The following TNIK variants were observed in gnomAD, a reference collection of about 807,000 sequenced individuals.
TNIK encodes the protein TRAF2 and NCK-interacting protein kinase.
In TNIK, 49 loss-of-function variants were observed where a neutral mutation model predicts 191.3. The ratio of observed to expected loss-of-function variants is 0.26; its 90% CI spans 0.20 to 0.32. The LOEUF (loss-of-function observed/expected upper bound fraction) is 0.32. TNIK is among the 10% of genes least tolerant of loss of function. The pLI, the probability that TNIK is intolerant of heterozygous loss-of-function variation, is 1.00. For synonymous variants in TNIK, 594 were observed against 600.9 expected, an observed-to-expected ratio of 0.99 and a Z score of 0.17; for missense variants, 1,155 against 1,702.3, an observed-to-expected ratio of 0.68 and a Z score of 5.66.
chr3:171,107,864 T>A (rs1190960188), intron 20 of TNIK, among the ~76,000 whole-genome samples: 1 of 152,208 alleles, frequency 6.6e-6, no homozygotes, highest in Non-Finnish European at 1.5e-5. Context: ...GATCAGCAAA[T>A]AGCCAAAGGC....
chr3:171,271,652 C>G (rs1266794839), intron 2 of TNIK, among the ~76,000 whole-genome samples: 1 of 152,162 alleles, frequency 6.6e-6, no homozygotes, highest in Non-Finnish European at 1.5e-5. Context: ...ATATTTATGA[C>G]TGTTTTGACT....
chr3:171,371,612 G>A (rs1302480940), intron 1 of TNIK, among the ~76,000 whole-genome samples: 5 of 152,124 alleles, frequency 3.3e-5, no homozygotes, highest in African/African-American at 1.2e-4. Flanking sequence ...ACACTCTTAA[G>A]GGACTTAGAG....
At chr3:171,300,054 AG>A (rs1293592213) in intron 2 of TNIK, among the ~76,000 whole-genome samples, 1 of 152,262 alleles carries the variant, frequency 6.6e-6, no homozygotes, top group African/African-American at 2.4e-5. Flanking sequence ...ACTAAACATC[AG>A]GAATTGTGTG....
chr3:171,131,806 C>G (rs1405340484), intron 15 of TNIK, among the ~76,000 whole-genome samples: 1 of 152,164 alleles, frequency 6.6e-6, no homozygotes, highest in Non-Finnish European at 1.5e-5. Context: ...TTGGAAGTGG[C>G]ACTTCTCCTA....
At chr3:171,347,421 A>AC (rs71178206) in intron 2 of TNIK, among the ~76,000 whole-genome samples, 12 of 144,440 alleles carry the variant, frequency 8.3e-5, no homozygotes, top group African/African-American at 5.0e-5. Context: ...ACACACACAC[A>AC]AGTAAAGAGA....
intron 28 of TNIK, among the ~76,000 whole-genome samples, chr3:171,076,645 C>A (rs1438472793): frequency 6.6e-6 from 1 of 152,128 alleles, no homozygotes; most frequent in African/African-American, 2.4e-5. Context: ...ATGGATTGAA[C>A]AAGTCTTACA....
intron 1 of TNIK, among the ~76,000 whole-genome samples, chr3:171,451,548 G>C (rs1393733623): frequency 1.3e-5 from 2 of 152,194 alleles, no homozygotes; most frequent in African/African-American, 4.8e-5. Context: ...CTGCTATGCA[G>C]ATACATAAGT....
chr3:171,121,821 A>G (rs1185023930), intron 18 of TNIK, among the ~76,000 whole-genome samples: 2 of 152,192 alleles, frequency 1.3e-5, no homozygotes, highest in Admixed American at 1.3e-4. Flanking sequence ...ATGGAGATAC[A>G]TGATAGCATA....
intron 18 of TNIK, among the ~76,000 whole-genome samples, chr3:171,122,967 T>G (rs1727958418): frequency 6.6e-6 from 1 of 152,212 alleles, no homozygotes; most frequent in Non-Finnish European, 1.5e-5. Context: ...GGATGCAACT[T>G]TCTGACTGTA....
chr3:171,150,972 C>T (rs1428086101), intron 12 of TNIK, among the ~76,000 whole-genome samples: 1 of 152,220 alleles, frequency 6.6e-6, no homozygotes, highest in African/African-American at 2.4e-5. Flanking sequence ...CAGTACTATA[C>T]TTTGAAATCA....
Position 171,357,703 on chromosome 3 carries a change from G to A in TNIK, c.123+11917C>T, listed in dbSNP as rs539566142. On this transcript the variant is annotated intron_variant, in intron 2 of 32. Transcript: ENST00000436636. ...GTCAGAGTACGGAGAGAAGAGGCAGGGAAAACCATCAAACCCCATTGGGCA... is the reference window on the plus strand; with the variant it reads ...GTCAGAGTACGGAGAGAAGAGGCAGAGAAAACCATCAAACCCCATTGGGCA... Among the ~76,000 whole-genome samples, 361 of 152,162 alleles carry A rather than the reference G, an allele frequency of 2.4e-3. 2 individuals carry two copies. Among genetic ancestry groups the A allele is most frequent in the African/African-American group, 8.1e-3 (336 of 41,506 alleles).
chr3:171,208,066 T>C (rs1425116329), intron 4 of TNIK, among the ~76,000 whole-genome samples: 3 of 152,088 alleles, frequency 2.0e-5, no homozygotes, highest in African/African-American at 7.2e-5. Flanking sequence ...TGCAGTGGCT[T>C]GCACCTGTAA....
intron 1 of TNIK, among the ~76,000 whole-genome samples, chr3:171,383,923 G>A (rs1190103575): frequency 5.3e-5 from 8 of 152,082 alleles, no homozygotes; most frequent in African/African-American, 1.2e-4. Flanking sequence ...GTGGTTCCCC[G>A]GTCTACTCTG....
At chr3:171,208,318 C>T (rs1348989116) in intron 4 of TNIK, among the ~76,000 whole-genome samples, 1 of 151,288 alleles carries the variant, frequency 6.6e-6, no homozygotes, top group Non-Finnish European at 1.5e-5. Context: ...AAGACCCTGT[C>T]TCTAAAAAAA....
intron 26 of TNIK, chr3:171,082,793 G>A (rs1201221860): frequency 1.8e-5 from 3 of 163,408 alleles, no homozygotes; most frequent in South Asian, 1.8e-4. Context: ...CCTATGCAGT[G>A]GTCTCTAGCC....
chr3:171,066,046 C>T, intron 32 of TNIK, 141 bp downstream of exon 32: 1 of 1,167,884 alleles, frequency 8.6e-7, no homozygotes, highest in South Asian at 1.6e-5. Flanking sequence ...ATGGATCAAA[C>T]CAAATAATGC....
At chr3:171,335,318 T>C (rs1476586308) in intron 2 of TNIK, among the ~76,000 whole-genome samples, 1 of 152,226 alleles carries the variant, frequency 6.6e-6, no homozygotes, top group Admixed American at 6.5e-5. Context: ...GTATAATCTA[T>C]GTTAAAATTC....
At chr3:171,232,511 AT>A (rs201798349) in intron 2 of TNIK, among the ~76,000 whole-genome samples, 12 of 152,308 alleles carry the variant, frequency 7.9e-5, no homozygotes, top group Non-Finnish European at 1.3e-4. Context: ...GAACTGAATT[AT>A]TTTTTTCCTA....
intron 4 of TNIK, among the ~76,000 whole-genome samples, chr3:171,197,602 T>C (rs1738867040): frequency 6.6e-6 from 1 of 152,176 alleles, no homozygotes; most frequent in Admixed American, 6.5e-5. Flanking sequence ...AGGACTTGAA[T>C]AGACATTCCT....
Sources: allele counts gnomAD v4.1 joint callset (sites outside exome capture counted in the v4.1 genomes callset), GRCh38; gene constraint gnomAD v4.1.1; transcripts MANE v1.5; gene names NCBI Gene and HGNC (gene_info 2026-07-23, HGNC 2026-07-21).